Variants in ADAMTSL1 observed in about 807,000 individuals in gnomAD.
ADAMTSL1 encodes the protein ADAMTS like 1.
ADAMTSL1 carries 126 observed loss-of-function variants against 201.8 expected under a neutral mutation model. The ratio of observed to expected loss-of-function variants is 0.62; its 90% CI spans 0.54 to 0.72. The LOEUF (loss-of-function observed/expected upper bound fraction) is 0.72, where lower values mean the gene tolerates loss of function less well. ADAMTSL1 is among the 30% of genes least tolerant of loss of function. The pLI is 0.00. For missense variants in ADAMTSL1, 2,679 were observed against 2,277.8 expected, an observed-to-expected ratio of 1.18 and a Z score of -3.59; for synonymous variants, 1,121 against 903.4, an observed-to-expected ratio of 1.24 and a Z score of -4.32.
At chr9:18,715,641 C>T (rs1832879017) in intron 14 of ADAMTSL1, among the ~76,000 whole-genome samples, 1 of 152,106 alleles carries the variant, frequency 6.6e-6, no homozygotes, top group Admixed American at 6.5e-5. Context: ...GAATCAATAT[C>T]ATGAAAATGG....
At chr9:18,252,373 C>T (rs529738280) in intron 2 of ADAMTSL1, among the ~76,000 whole-genome samples, 6 of 152,150 alleles carry the variant, frequency 3.9e-5, no homozygotes, top group African/African-American at 1.2e-4. Context: ...TACAGTTGCC[C>T]CTTGTTATCC....
intron 1 of ADAMTSL1, among the ~76,000 whole-genome samples, chr9:18,137,017 A>G (rs923196620): frequency 6.6e-6 from 1 of 152,232 alleles, no homozygotes; most frequent in African/African-American, 2.4e-5. Context: ...GGGAAGGGAA[A>G]GAGTTGAAGC....
At chr9:18,526,491 C>G (rs543057140) in intron 2 of ADAMTSL1, among the ~76,000 whole-genome samples, 2 of 152,274 alleles carry the variant, frequency 1.3e-5, no homozygotes, top group South Asian at 4.1e-4. Flanking sequence ...ATGATGTTAG[C>G]TGGTTATTTT....
At chr9:18,233,822 G>A (rs1444425217) in intron 2 of ADAMTSL1, among the ~76,000 whole-genome samples, 44 of 152,198 alleles carry the variant, frequency 2.9e-4, no homozygotes, top group Admixed American at 2.7e-3. Flanking sequence ...TTGGGGTTTA[G>A]AAAGGTTTGT....
chr9:18,329,228 A>C (rs1834941184), intron 2 of ADAMTSL1, among the ~76,000 whole-genome samples: 1 of 152,162 alleles, frequency 6.6e-6, no homozygotes, highest in Admixed American at 6.5e-5. Flanking sequence ...CTGTTACCAG[A>C]CACTGAATCT....
At chr9:18,853,106 C>T (rs1186398719) in intron 23 of ADAMTSL1, among the ~76,000 whole-genome samples, 1 of 152,120 alleles carries the variant, frequency 6.6e-6, no homozygotes, top group Non-Finnish European at 1.5e-5. Flanking sequence ...TCATAAAATG[C>T]AATGACCTCA....
At chr9:18,176,007 CAAAAAA>C (rs57982328) in intron 2 of ADAMTSL1, among the ~76,000 whole-genome samples, 4 of 62,576 alleles carry the variant, frequency 6.4e-5, no homozygotes, top group Admixed American at 1.8e-4. Flanking sequence ...AGAGGGAAAG[CAAAAAA>C]AAAAAAAAAA....
chr9:18,379,467 T>C (rs568412901), intron 2 of ADAMTSL1, among the ~76,000 whole-genome samples: 1 of 152,328 alleles, frequency 6.6e-6, no homozygotes, highest in Admixed American at 6.5e-5. Context: ...TATTGCCCAG[T>C]GGGGGCTCTC....
At chr9:18,359,097 C>G (rs1563910870) in intron 2 of ADAMTSL1, among the ~76,000 whole-genome samples, 1 of 152,098 alleles carries the variant, frequency 6.6e-6, no homozygotes, top group Non-Finnish European at 1.5e-5. Flanking sequence ...AAAGTTAACT[C>G]AATAATAATT....
chr9:18,071,369 A>C (rs973162201), intron 1 of ADAMTSL1, among the ~76,000 whole-genome samples: 2 of 152,232 alleles, frequency 1.3e-5, no homozygotes, highest in African/African-American at 4.8e-5. Context: ...TCCTTATTCT[A>C]TCAAGATACT....
At chr9:18,533,997 C>A (rs867344735) in intron 3 of ADAMTSL1, among the ~76,000 whole-genome samples, 1 of 152,038 alleles carries the variant, frequency 6.6e-6, no homozygotes, top group Non-Finnish European at 1.5e-5. Context: ...AGTTTGGAGG[C>A]AGGAATGTCT....
chr9:18,427,733 C>T (rs1294638258), intron 2 of ADAMTSL1, among the ~76,000 whole-genome samples: 1 of 152,212 alleles, frequency 6.6e-6, no homozygotes, highest in Non-Finnish European at 1.5e-5. Flanking sequence ...CAAAGCCTTG[C>T]AGGTTACATT....
At chr9:18,197,352 C>T (rs1829225371) in intron 2 of ADAMTSL1, among the ~76,000 whole-genome samples, 1 of 150,686 alleles carries the variant, frequency 6.6e-6, no homozygotes, top group Non-Finnish European at 1.5e-5. Context: ...TCTTTTATTT[C>T]CTTGAGCAGT....
chr9:18,547,284 G>A (rs570434712), intron 3 of ADAMTSL1, among the ~76,000 whole-genome samples: 4 of 152,166 alleles, frequency 2.6e-5, no homozygotes, highest in Non-Finnish European at 4.4e-5. Flanking sequence ...GGACATCTAT[G>A]CAATCTATTA....
chr9:18,794,694 G>A (rs1334416225), intron 19 of ADAMTSL1, among the ~76,000 whole-genome samples: 4 of 151,658 alleles, frequency 2.6e-5, no homozygotes, highest in Non-Finnish European at 5.9e-5. Flanking sequence ...AGTACAGTGG[G>A]GCAATCTCAG....
chr9:18,833,534 C>T (rs2131279779), intron 23 of ADAMTSL1, among the ~76,000 whole-genome samples: 1 of 152,286 alleles, frequency 6.6e-6, no homozygotes, highest in South Asian at 2.1e-4. Context: ...CATCTTTGCC[C>T]ACTTTTTAAT....
chr9:18,358,948 A>G (rs1836377843), intron 2 of ADAMTSL1, among the ~76,000 whole-genome samples: 2 of 152,154 alleles, frequency 1.3e-5, no homozygotes, highest in Admixed American at 6.5e-5. Context: ...TATAGCAGAC[A>G]TTCAGAGTCA....
chr9:18,380,148 C>G (rs1294203792), intron 2 of ADAMTSL1, among the ~76,000 whole-genome samples: 2 of 152,166 alleles, frequency 1.3e-5, no homozygotes, highest in Non-Finnish European at 2.9e-5. Context: ...TTTATTTTAA[C>G]AGCCTTTCCT....
At chr9:18,640,929 C>T (rs1827397696) in intron 7 of ADAMTSL1, among the ~76,000 whole-genome samples, 1 of 152,042 alleles carries the variant, frequency 6.6e-6, no homozygotes, top group Non-Finnish European at 1.5e-5. Context: ...AAATCCCTTT[C>T]CTAATCCTTC....
Sources: allele counts gnomAD v4.1 joint callset (sites outside exome capture counted in the v4.1 genomes callset), GRCh38; gene constraint gnomAD v4.1.1; transcripts MANE v1.5; gene names NCBI Gene and HGNC (gene_info 2026-07-23, HGNC 2026-07-21).